The following SLCO5A1 variants were observed in gnomAD, a reference collection of about 807,000 sequenced individuals.
SLCO5A1 encodes solute carrier organic anion transporter family member 5A1.
SLCO5A1 carries 39 observed loss-of-function variants against 65.1 expected under a neutral mutation model. That is an observed-to-expected ratio of 0.60 (90% CI 0.46 to 0.78). The LOEUF is 0.78. Ranked by LOEUF, SLCO5A1 falls within the 30% of genes least tolerant of loss-of-function variation. The probability of loss-of-function intolerance (pLI) is 0.00; values close to 1 mark genes in which losing one functional copy is unlikely to be tolerated. For missense variants in SLCO5A1, 1,029 were observed against 1,069.4 expected, an observed-to-expected ratio of 0.96 and a Z score of 0.53; for synonymous variants, 438 against 415.7, an observed-to-expected ratio of 1.05 and a Z score of -0.65.
chr8:69,730,975 A>G (rs112604786), intron 5 of SLCO5A1, among the ~76,000 whole-genome samples: 11 of 151,850 alleles, frequency 7.2e-5, no homozygotes, highest in Non-Finnish European at 1.3e-4. Flanking sequence ...GCTGCAAAGT[A>G]TTAGGTTGGT....
chr8:69,785,114 A>G (rs915912103), intron 2 of SLCO5A1, among the ~76,000 whole-genome samples: 1 of 151,786 alleles, frequency 6.6e-6, no homozygotes, highest in Admixed American at 6.6e-5. Flanking sequence ...GAGAGAGAGA[A>G]AGAAAGAAAT....
chr8:69,741,153 A>C (rs961050114), intron 4 of SLCO5A1, among the ~76,000 whole-genome samples: 1 of 152,114 alleles, frequency 6.6e-6, no homozygotes, highest in Non-Finnish European at 1.5e-5. Context: ...TTTGTTGGTG[A>C]TCTCATTGTT....
chr8:69,672,816 A>G lies in SLCO5A1; in HGVS notation c.*53T>C. The G allele has an allele frequency of 6.5e-7, 1 of 1,543,006 alleles. No individual in the cohort carries two copies. Among genetic ancestry groups the G allele is most frequent in the Non-Finnish European group, 8.7e-7 (1 of 1,145,084 alleles). ...AGAAAAGAAGGCACAGTTGTTTCTCAAGTCGCCATTTTCAATTCAACCAAC... is the reference window on the plus strand; with the variant it reads ...AGAAAAGAAGGCACAGTTGTTTCTCGAGTCGCCATTTTCAATTCAACCAAC... On this transcript the variant is annotated 3_prime_UTR_variant, in exon 10 of 10. Coordinates refer to ENST00000260126, the MANE Select transcript of SLCO5A1 (RefSeq NM_030958.3).
At chr8:69,696,927 GA>G (rs1210448829) in intron 6 of SLCO5A1, among the ~76,000 whole-genome samples, 1 of 151,888 alleles carries the variant, frequency 6.6e-6, no homozygotes. Flanking sequence ...CATAAAGATA[GA>G]AAACAAGGCT....
intron 5 of SLCO5A1, among the ~76,000 whole-genome samples, chr8:69,727,428 T>C (rs568152854): frequency 3.3e-4 from 50 of 152,294 alleles, no homozygotes; most frequent in South Asian, 1.2e-3. Flanking sequence ...AGTTACAGAT[T>C]ATACAGTTAC....
rs1467575915 is a variant in SLCO5A1 at position 69,771,397 on chromosome 8, C to T, written c.908-9522G>A. On this transcript the variant is annotated intron_variant, in intron 2 of 9. Transcript: ENST00000260126. ...TGAATGTGTTGTTACTTTCTGTCTC[C>T]TATACTTTTAAGTTTGCCTACTTTT... Among the ~76,000 whole-genome samples, 3 of 152,160 alleles carry T rather than the reference C, an allele frequency of 2.0e-5. No individual in the cohort carries two copies. In the East Asian group the frequency reaches 5.8e-4, roughly 29 times the overall value.
At chr8:69,783,307 A>G (rs1818879553) in intron 2 of SLCO5A1, among the ~76,000 whole-genome samples, 1 of 152,060 alleles carries the variant, frequency 6.6e-6, no homozygotes, top group Non-Finnish European at 1.5e-5. Context: ...ATTTTAAAAT[A>G]ACTTTTAAAA....
intron 2 of SLCO5A1, among the ~76,000 whole-genome samples, chr8:69,802,051 A>C (rs1819765320): frequency 6.6e-6 from 1 of 152,162 alleles, no homozygotes; most frequent in Non-Finnish European, 1.5e-5. Context: ...GAGATTTCCC[A>C]AATGCATTTC....
chr8:69,828,564 T>C (rs1208032783), intron 2 of SLCO5A1, among the ~76,000 whole-genome samples: 1 of 150,382 alleles, frequency 6.6e-6, no homozygotes, highest in Non-Finnish European at 1.5e-5. Flanking sequence ...ACCGCTCCAC[T>C]GCACTCCAGC....
At chr8:69,813,053 CA>C (rs146188702) in intron 2 of SLCO5A1, among the ~76,000 whole-genome samples, 13 of 151,968 alleles carry the variant, frequency 8.6e-5, no homozygotes, top group Admixed American at 7.2e-4. Context: ...ATATCTTTCC[CA>C]AAAAAATGTA....
At chr8:69,822,620 A>T (rs1290131730) in intron 2 of SLCO5A1, among the ~76,000 whole-genome samples, 2 of 152,194 alleles carry the variant, frequency 1.3e-5, no homozygotes, top group African/African-American at 2.4e-5. Flanking sequence ...CTCTCTGCCC[A>T]CACCCTAGGA....
At chr8:69,795,216 C>T (rs1306661471) in intron 2 of SLCO5A1, among the ~76,000 whole-genome samples, 1 of 152,128 alleles carries the variant, frequency 6.6e-6, no homozygotes, top group Non-Finnish European at 1.5e-5. Flanking sequence ...TCCAACAGTC[C>T]CCCCAAAGTC....
At chr8:69,772,587 A>AG (rs1164894080) in intron 2 of SLCO5A1, among the ~76,000 whole-genome samples, 9 of 123,006 alleles carry the variant, frequency 7.3e-5, no homozygotes, top group African/African-American at 2.8e-4. Flanking sequence ...AGGAAAGGAA[A>AG]GGAAAGGAAA....
chr8:69,740,462 A>G (rs144637503), intron 4 of SLCO5A1, among the ~76,000 whole-genome samples: 1 of 152,338 alleles, frequency 6.6e-6, no homozygotes, highest in Admixed American at 6.5e-5. Flanking sequence ...CATGGTTCAG[A>G]TAGACAGATA....
chr8:69,796,483 G>A (rs1156732045), intron 2 of SLCO5A1, among the ~76,000 whole-genome samples: 2 of 151,940 alleles, frequency 1.3e-5, no homozygotes, highest in Non-Finnish European at 2.9e-5. Context: ...AGGCGTGGTG[G>A]CATATGCCTA....
chr8:69,803,079 A>G (rs965017933), intron 2 of SLCO5A1, among the ~76,000 whole-genome samples: 9 of 152,210 alleles, frequency 5.9e-5, no homozygotes, highest in African/African-American at 2.2e-4. Flanking sequence ...CTGTAATCCC[A>G]GATCAGCCTG....
At chr8:69,758,470 G>A (rs1394671861) in intron 3 of SLCO5A1, among the ~76,000 whole-genome samples, 2 of 151,976 alleles carry the variant, frequency 1.3e-5, no homozygotes, top group African/African-American at 2.4e-5. Context: ...GTGAGCCACC[G>A]CACCCGGCAT....
At position 69,733,565 on chromosome 8, in the gene SLCO5A1, A is replaced by G. The variant is rs183029679; in HGVS notation, c.1423+4475T>C. On this transcript the variant is annotated intron_variant, in intron 5 of 9. Coordinates refer to ENST00000260126, the MANE Select transcript of SLCO5A1 (RefSeq NM_030958.3). ...GTGTCCCCACTCAAATCTCATCTCA[A>G]ATTGTAATCCCCGTAATCTCCATGT... Among the ~76,000 whole-genome samples the G allele has an allele frequency of 2.4e-3, 363 of 152,274 alleles. 3 individuals carry two copies. The highest frequency in any genetic ancestry group is 8.6e-3 in the African/African-American group (356 of 41,552).
At position 69,832,414 on chromosome 8, in the gene SLCO5A1, G is replaced by A; in HGVS notation, c.260C>T (p.Ser87Phe). 12 of 1,612,738 alleles carry A rather than the reference G, an allele frequency of 7.4e-6. No individual in the cohort carries two copies. Among genetic ancestry groups the A allele is most frequent in the Non-Finnish European group, 9.3e-6 (11 of 1,179,480 alleles). The stretch of plus-strand genomic sequence containing the variant: ...ACAGTCCCCGAGCCCCGCCGAAGTG[G>A]ACGGGGCAGAGGGACTGGGGGCCAA... Reference protein sequence around the residue: ...NPLAPSPSAPSTSAGLGDCNH... With the variant: ...NPLAPSPSAPFTSAGLGDCNH... The change falls in exon 2 of 10, where the codon TCC becomes TTC. Residue 87 changes from serine to phenylalanine, a missense_variant. Transcript: ENST00000260126. The surrounding 1 kb of genome is among the most constrained non-coding windows in gnomAD (Gnocchi z 4.5).
Sources: gnomAD v4.1 joint callset for allele counts (sites outside exome capture counted in the v4.1 genomes callset) on GRCh38, gnomAD v4.1.1 for gene constraint, Gnocchi (gnomAD v3.1) non-coding constraint, MANE v1.5 for transcripts, NCBI Gene and HGNC (gene_info 2026-07-23, HGNC 2026-07-21) for gene names.